The following PDE10A variants were observed in gnomAD, a reference collection of about 807,000 sequenced individuals.
PDE10A encodes the protein cAMP and cAMP-inhibited cGMP 3',5'-cyclic phosphodiesterase 10A.
Under a neutral mutation model 97.7 loss-of-function variants are expected in PDE10A, and 39 were observed. The ratio of observed to expected loss-of-function variants is 0.40; its 90% CI spans 0.31 to 0.52. The LOEUF (loss-of-function observed/expected upper bound fraction) is 0.52, where lower values mean the gene tolerates loss of function less well. Ranked by LOEUF, PDE10A falls within the 20% of genes least tolerant of loss-of-function variation. The pLI is 0.56. For missense variants in PDE10A, 731 were observed against 1,047.8 expected (o/e 0.70, Z 4.17); for synonymous variants, 371 against 376.8 (o/e 0.98, Z 0.18).
intron 2 of PDE10A, among the ~76,000 whole-genome samples, chr6:165,495,027 G>A (rs1435578443): frequency 6.6e-6 from 1 of 152,066 alleles, no homozygotes; most frequent in African/African-American, 2.4e-5. Context: ...CGTATCTTAG[G>A]AGTTGAAGCA....
intron 2 of PDE10A, among the ~76,000 whole-genome samples, chr6:165,524,665 G>A (rs1416337367): frequency 2.3e-5 from 1 of 43,480 alleles, no homozygotes; most frequent in African/African-American, 5.1e-5. Context: ...AGATTGCCCT[G>A]AGTCAGTCTT....
intron 18 of PDE10A, among the ~76,000 whole-genome samples, chr6:165,349,147 T>C (rs1268951522): frequency 3.3e-5 from 5 of 152,160 alleles, no homozygotes; most frequent in Non-Finnish European, 7.4e-5. Context: ...AGAGTTTGGA[T>C]GGCTCAGAAG....
Position 165,983,617 on chromosome 6 carries a change from T to C in PDE10A, c.-615+3912A>G, listed in dbSNP as rs569487879. Among the ~76,000 whole-genome samples, 9 of 152,354 alleles carry C rather than the reference T, an allele frequency of 5.9e-5. No individual in the cohort carries two copies. In the South Asian group the frequency reaches 1.9e-3, roughly 32 times the overall value. ...CCTTCATTTCATACATGCTATAATA[T>C]ACTCTCAATGGTTGAAATGAGCAAA... On this transcript the variant is annotated intron_variant, in intron 1 of 19. Coordinates refer to the PDE10A transcript ENST00000366882.
rs1225256887 is a variant in PDE10A, at chr6:165,695,427, G to A, written c.-614-151859C>T. Among the ~76,000 whole-genome samples the A allele has an allele frequency of 2.6e-5, 4 of 152,160 alleles. No individual in the cohort carries two copies. In the East Asian group the frequency reaches 7.7e-4, roughly 29 times the overall value. On this transcript the variant is annotated intron_variant, in intron 1 of 19. Coordinates refer to the PDE10A transcript ENST00000366882. Reference sequence around the variant, plus strand: ...AGGTGGGGAGTCCATGCCAAAGACTGCAGCCAAGAACACAGGGCCCTCCCC... The same window carrying A: ...AGGTGGGGAGTCCATGCCAAAGACTACAGCCAAGAACACAGGGCCCTCCCC...
intron 18 of PDE10A, among the ~76,000 whole-genome samples, chr6:165,371,488 T>G (rs1378279197): frequency 2.0e-5 from 3 of 151,428 alleles, no homozygotes; most frequent in Admixed American, 6.6e-5. Flanking sequence ...AAGAAATGGA[T>G]AAATTCCTCG....
chr6:165,668,805 A>AGGAGGGAG (rs1379197899), intron 1 of PDE10A, among the ~76,000 whole-genome samples: 2 of 26,516 alleles, frequency 7.5e-5, no homozygotes, highest in African/African-American at 2.9e-4. Flanking sequence ...GGGGAAGGAA[A>AGGAGGGAG]GGAGGGAGGG....
chr6:165,659,076 A>T (rs1290540248), intron 1 of PDE10A, among the ~76,000 whole-genome samples: 3 of 152,182 alleles, frequency 2.0e-5, no homozygotes, highest in Non-Finnish European at 4.4e-5. Flanking sequence ...TTGGTGCATG[A>T]GTGAGCGAAC....
intron 1 of PDE10A, among the ~76,000 whole-genome samples, chr6:165,950,744 A>C (rs763903451): frequency 1.6e-5 from 1 of 60,654 alleles, no homozygotes; most frequent in Non-Finnish European, 2.9e-5. Context: ...GAGCCTTGGA[A>C]GTCTAAAGCA....
chr6:165,773,658 G>A (rs1778080341), intron 1 of PDE10A, among the ~76,000 whole-genome samples: 1 of 152,164 alleles, frequency 6.6e-6, no homozygotes, highest in Admixed American at 6.5e-5. Context: ...ATTGATAAAA[G>A]ATTAGTTTGG....
intron 1 of PDE10A, among the ~76,000 whole-genome samples, chr6:165,604,348 C>G (rs1787106493): frequency 6.6e-6 from 1 of 151,954 alleles, no homozygotes; most frequent in African/African-American, 2.4e-5. Context: ...TTTCGAGTAC[C>G]ATTCACATTT....
At chr6:165,577,628 A>G (rs1785380936) in intron 1 of PDE10A, among the ~76,000 whole-genome samples, 1 of 151,786 alleles carries the variant, frequency 6.6e-6, no homozygotes, top group Non-Finnish European at 1.5e-5. Context: ...AGGTCCCCTC[A>G]CTCTTGGAGC....
chr6:165,957,083 C>A (rs1784156043), intron 1 of PDE10A, among the ~76,000 whole-genome samples: 1 of 152,158 alleles, frequency 6.6e-6, no homozygotes, highest in Admixed American at 6.5e-5. Context: ...GTGCAGGAGA[C>A]CTGTGCTACT....
At chr6:165,867,807 A>G (rs1781100746) in intron 1 of PDE10A, among the ~76,000 whole-genome samples, 1 of 152,116 alleles carries the variant, frequency 6.6e-6, no homozygotes, top group African/African-American at 2.4e-5. Context: ...ATTTTTAAAA[A>G]TTGAAATAAT....
intron 1 of PDE10A, among the ~76,000 whole-genome samples, chr6:165,805,265 C>T (rs1313848331): frequency 1.3e-5 from 2 of 152,018 alleles, no homozygotes; most frequent in South Asian, 2.1e-4. Context: ...GCAGCGGCTC[C>T]GAGGGACGCC....
At chr6:165,798,385 T>C (rs12525512) in intron 1 of PDE10A, among the ~76,000 whole-genome samples, 35,311 of 152,098 alleles carry the variant, frequency 0.23, 4,219 homozygotes, top group African/African-American at 0.27. Flanking sequence ...GCTGTGCTCC[T>C]GTTGCAAGAC....
chr6:165,697,387 G>A (rs75468265), intron 1 of PDE10A, among the ~76,000 whole-genome samples: 2,207 of 152,296 alleles, frequency 0.014, 61 homozygotes, highest in African/African-American at 0.05. Context: ...AGCTGTTAAC[G>A]TCTAGCAAAG....
chr6:165,634,495 T>C (rs771501725), intron 1 of PDE10A, among the ~76,000 whole-genome samples: 5 of 152,172 alleles, frequency 3.3e-5, no homozygotes, highest in Non-Finnish European at 5.9e-5. Flanking sequence ...CCTCACCTTG[T>C]TCCAGAGAAC....
intron 13 of PDE10A, among the ~76,000 whole-genome samples, chr6:165,397,070 G>A (rs1341040613): frequency 3.3e-5 from 5 of 152,166 alleles, no homozygotes; most frequent in African/African-American, 1.2e-4. Context: ...TACAGAGTAA[G>A]TATATAAATT....
chr6:165,453,871 TAG>T (rs1162116203), intron 3 of PDE10A, among the ~76,000 whole-genome samples: 1 of 152,144 alleles, frequency 6.6e-6, no homozygotes, highest in Non-Finnish European at 1.5e-5. Context: ...CTCCAAAATG[TAG>T]AGTTACCAAC....
Sources: allele counts gnomAD v4.1 joint callset (sites outside exome capture counted in the v4.1 genomes callset), GRCh38; gene constraint gnomAD v4.1.1; transcripts MANE v1.5; gene names NCBI Gene and HGNC (gene_info 2026-07-23, HGNC 2026-07-21).